Variants in SPATA9 observed in about 807,000 individuals in gnomAD.
The protein encoded by SPATA9 is spermatogenesis-associated protein 9.
Under a neutral mutation model 25.5 loss-of-function variants are expected in SPATA9, and 27 were observed. That is an observed-to-expected ratio of 1.06 (90% CI 0.78 to 1.46). SPATA9 has a LOEUF of 1.46. SPATA9 is among the 40% of genes most tolerant of loss of function. The pLI is 0.00. For synonymous variants in SPATA9, 102 were observed against 105.7 expected (o/e 0.97, Z 0.21); for missense variants, 282 against 297.5 (o/e 0.95, Z 0.38).
At chr5:95,704,989 G>C in the SPATA9 span, among the ~76,000 whole-genome samples, 1 of 151,472 alleles carries the variant, frequency 6.6e-6, no homozygotes, top group African/African-American at 2.4e-5. Context: ...CTGTCACCCA[G>C]GCTGGAGTGC....
intron 3 of SPATA9, among the ~76,000 whole-genome samples, chr5:95,673,610 A>G (rs1752624951): frequency 1.3e-5 from 2 of 152,200 alleles, no homozygotes; most frequent in Non-Finnish European, 2.9e-5. Context: ...ATAAAAAACT[A>G]TAGGTTTGAC....
At chr5:95,708,017 A>C in the SPATA9 span, among the ~76,000 whole-genome samples, 1 of 152,188 alleles carries the variant, frequency 6.6e-6, no homozygotes, top group Admixed American at 6.5e-5. Flanking sequence ...AAACCAATTT[A>C]ATATACAAGG....
chr5:95,716,326 G>T, the SPATA9 span, among the ~76,000 whole-genome samples: 1 of 152,376 alleles, frequency 6.6e-6, no homozygotes, highest in Admixed American at 6.5e-5. Context: ...GCTGCCCAAT[G>T]CCATGGGAGC....
intron 4 of SPATA9, among the ~76,000 whole-genome samples, chr5:95,660,238 A>G (rs213880): frequency 0.43 from 65,000 of 151,844 alleles, 14,440 homozygotes; most frequent in African/African-American, 0.56. Context: ...ATGGTGGAAG[A>G]AACAAGGCAG....
the SPATA9 span, among the ~76,000 whole-genome samples, chr5:95,712,900 CT>C: frequency 2.0e-5 from 3 of 151,878 alleles, no homozygotes; most frequent in African/African-American, 7.3e-5. Flanking sequence ...TTTTTAATTG[CT>C]TTTTTTATCA....
chr5:95,655,858 C>G (rs1750722009), downstream of SPATA9: 2 of 546,966 alleles, frequency 3.7e-6, no homozygotes, highest in Non-Finnish European at 6.3e-6. Flanking sequence ...GCTTTCTAAT[C>G]AACTGTAAAA....
chr5:95,653,549 T>G (rs1031633903), downstream of SPATA9, among the ~76,000 whole-genome samples: 7 of 152,368 alleles, frequency 4.6e-5, no homozygotes, highest in East Asian at 1.3e-3. Flanking sequence ...TCCTCCCTAA[T>G]TTTGGCAGTC....
At chr5:95,685,784 T>C (rs1339550440), upstream of SPATA9, among the ~76,000 whole-genome samples, 1 of 152,230 alleles carries the variant, frequency 6.6e-6, no homozygotes, top group East Asian at 1.9e-4. Context: ...TCAATACAAA[T>C]ACATTGGTAT....
At chr5:95,726,581 C>G in the SPATA9 span, among the ~76,000 whole-genome samples, 7 of 152,112 alleles carry the variant, frequency 4.6e-5, no homozygotes, top group East Asian at 9.6e-4. Flanking sequence ...TCTTTATAAT[C>G]CATTATTTTG....
At chr5:95,724,595 A>G in the SPATA9 span, among the ~76,000 whole-genome samples, 2 of 152,156 alleles carry the variant, frequency 1.3e-5, no homozygotes, top group Non-Finnish European at 2.9e-5. Context: ...CTACTTGGGT[A>G]GCTGGGATTA....
At chr5:95,653,151 TA>T in exon 9 of SPATA9, 1 of 1,551,770 alleles carries the variant, frequency 6.4e-7, no homozygotes, top group South Asian at 1.2e-5. Context: ...TTGGCATGTC[TA>T]GTTCATTTGC....
chr5:95,702,807 T>C (rs1304262654), upstream of SPATA9, among the ~76,000 whole-genome samples: 2 of 152,122 alleles, frequency 1.3e-5, no homozygotes, highest in East Asian at 3.9e-4. Flanking sequence ...CTTGAGCCCA[T>C]GAGTTTGAAG....
At chr5:95,704,948 CTT>C in the SPATA9 span, among the ~76,000 whole-genome samples, 39 of 142,110 alleles carry the variant, frequency 2.7e-4, no homozygotes, top group African/African-American at 6.9e-4. Flanking sequence ...GGATAGAGTA[CTT>C]TTTTTTTTTT....
chr5:95,669,924 G>A (rs767952628), intron 3 of SPATA9, among the ~76,000 whole-genome samples: 6 of 152,100 alleles, frequency 3.9e-5, no homozygotes, highest in Admixed American at 1.3e-4. Context: ...TCTCATTCCT[G>A]CAGAACCTGG....
In SPATA9 at chr5:95,658,865, C is replaced by A. The variant is rs1750981242; in HGVS notation, c.523G>T (p.Glu175Ter). 11 of 1,613,862 alleles carry A rather than the reference C, an allele frequency of 6.8e-6. No homozygotes were observed. The highest frequency in any genetic ancestry group is 8.5e-6 in the Non-Finnish European group (10 of 1,179,864). ...VLKKVKNIFQ[E>*]EESIRQNREE... ...CTGTTTTGCCTTATGGATTCTTCTTCCTGGAAGATGTTCTTTACCTTCTTC... is the reference window on the plus strand; with the variant it reads ...CTGTTTTGCCTTATGGATTCTTCTTACTGGAAGATGTTCTTTACCTTCTTC... The change falls in exon 5 of 5, where the codon GAA becomes TAA. Residue 175 changes from glutamate (E) to a stop codon, truncating the protein, a stop_gained. Transcript: ENST00000274432. LOFTEE classifies it high-confidence loss of function.
chr5:95,710,048 G>T, the SPATA9 span, among the ~76,000 whole-genome samples: 1 of 152,182 alleles, frequency 6.6e-6, no homozygotes, highest in Non-Finnish European at 1.5e-5. Context: ...TACCCCATCG[G>T]AGAGCCTGAG....
At chr5:95,727,899 T>G in the SPATA9 span, among the ~76,000 whole-genome samples, 2 of 152,322 alleles carry the variant, frequency 1.3e-5, no homozygotes, top group African/African-American at 4.8e-5. Flanking sequence ...TACAATGCAT[T>G]CTGTGAGGAG....
chr5:95,714,921 G>T, the SPATA9 span, among the ~76,000 whole-genome samples: 1 of 152,134 alleles, frequency 6.6e-6, no homozygotes, highest in Non-Finnish European at 1.5e-5. Context: ...TATATACTAT[G>T]TTCATAAATT....
downstream of SPATA9, chr5:95,654,413 T>C (rs572754782): frequency 1.6e-6 from 2 of 1,222,914 alleles, no homozygotes; most frequent in Admixed American, 4.1e-5. Flanking sequence ...CAAATAAATA[T>C]ATTCAAAAAT....
Sources: gnomAD v4.1 joint callset for allele counts (sites outside exome capture counted in the v4.1 genomes callset) on GRCh38, gnomAD v4.1.1 for gene constraint, MANE v1.5 for transcripts, NCBI Gene and HGNC (gene_info 2026-07-23, HGNC 2026-07-21) for gene names.